KANSL2: variants seen among roughly 807,000 people sequenced by gnomAD.
The protein encoded by KANSL2 is KAT8 regulatory NSL complex subunit 2.
In KANSL2, 34 loss-of-function variants were observed where a neutral mutation model predicts 55.6. That is an observed-to-expected ratio of 0.61 (90% CI 0.46 to 0.81). KANSL2 has a LOEUF of 0.81. KANSL2 is among the 40% of genes least tolerant of loss of function. The probability of loss-of-function intolerance (pLI) is 0.00; values close to 1 mark genes in which losing one functional copy is unlikely to be tolerated. For missense variants in KANSL2, 502 were observed against 609.9 expected, an observed-to-expected ratio of 0.82 and a Z score of 1.86; for synonymous variants, 209 against 214.3, an observed-to-expected ratio of 0.98 and a Z score of 0.22.
intron 5 of KANSL2, among the ~76,000 whole-genome samples, chr12:48,669,493 A>G (rs768372527): frequency 6.6e-6 from 1 of 152,084 alleles, no homozygotes; most frequent in Admixed American, 6.6e-5. Context: ...TGGTGGTCCC[A>G]TAAGATTATA....
At chr12:48,674,055 T>C (rs912495575) in intron 4 of KANSL2, among the ~76,000 whole-genome samples, 2 of 152,196 alleles carry the variant, frequency 1.3e-5, no homozygotes, top group Admixed American at 1.3e-4. Context: ...ACAAGCTATA[T>C]ACCTTAAGTT....
intron 4 of KANSL2, among the ~76,000 whole-genome samples, chr12:48,674,936 A>T (rs1939792957): frequency 6.6e-6 from 1 of 150,920 alleles, no homozygotes. Flanking sequence ...CAAAAATAAA[A>T]AATTAAATAA....
intron 9 of KANSL2, 66 bp downstream of exon 9, chr12:48,654,875 G>A: frequency 1.3e-6 from 2 of 1,522,502 alleles, no homozygotes; most frequent in East Asian, 2.5e-5. Context: ...ATGCTATCTA[G>A]CAGGGAACCC....
At chr12:48,656,430 C>G (rs761111817) in intron 8 of KANSL2, among the ~76,000 whole-genome samples, 3 of 151,742 alleles carry the variant, frequency 2.0e-5, no homozygotes, top group African/African-American at 7.3e-5. Flanking sequence ...TGTGCCACCA[C>G]GCCCAGCTAA....
intron 4 of KANSL2, among the ~76,000 whole-genome samples, chr12:48,674,163 CAG>C (rs1939779344): frequency 1.3e-5 from 2 of 152,244 alleles, no homozygotes; most frequent in South Asian, 4.1e-4. Flanking sequence ...GTTTTTAAGA[CAG>C]AGTCTTGCTC....
At chr12:48,679,200 T>C in intron 3 of KANSL2, 50 bp from the exon 4 acceptor site, 2 of 1,184,580 alleles carry the variant, frequency 1.7e-6, no homozygotes, top group Non-Finnish European at 2.5e-6. Context: ...CCTCTGTAAC[T>C]CCACCACACA....
At chr12:48,662,699 G>A in intron 7 of KANSL2, 1 of 1,251,416 alleles carries the variant, frequency 8.0e-7, no homozygotes, top group Non-Finnish European at 1.0e-6. Flanking sequence ...AGGCAACTAT[G>A]GAGTGGAAAG....
In KANSL2 at chr12:48,681,584, T is replaced by A. The variant is rs780801002; in HGVS notation, c.49A>T (p.Thr17Ser). ...HVLPTNRGRI[T>S]PVPRSQEPLS... ...GGTTCCTGAGACCTGGGCACTGGAG[T>A]GATCCTCCCCCGATTGGTTGGCAAG... Residue 17 changes from threonine (T) to serine (S), a missense_variant, in exon 2 of 10, where the codon ACT becomes TCT. Transcript: ENST00000420613. 6.2e-7 allele frequency: 1 copy of A among 1,613,764 alleles called. No individual in the cohort carries two copies. The highest frequency in any genetic ancestry group is 1.1e-5 in the South Asian group (1 of 91,074).
intron 8 of KANSL2, among the ~76,000 whole-genome samples, chr12:48,655,791 TG>T (rs1282155950): frequency 6.6e-6 from 1 of 152,064 alleles, no homozygotes; most frequent in Admixed American, 6.6e-5. Flanking sequence ...CCAGGTGCAG[TG>T]GCTCATGCCT....
chr12:48,658,632 C>G (rs1042361988), intron 8 of KANSL2: 1 of 152,096 alleles, frequency 6.6e-6, no homozygotes, highest in African/African-American at 2.4e-5. Flanking sequence ...TGGCACACAC[C>G]TGTAATCCCA....
chr12:48,669,873 G>A (rs145671174), intron 5 of KANSL2, among the ~76,000 whole-genome samples: 2 of 152,120 alleles, frequency 1.3e-5, no homozygotes, highest in East Asian at 3.9e-4. Flanking sequence ...TGGTGATGCT[G>A]GTGACCAAAC....
intron 7 of KANSL2, chr12:48,662,474 T>TA: frequency 1.8e-6 from 2 of 1,133,602 alleles, no homozygotes; most frequent in South Asian, 1.8e-5. Context: ...CACAATATCC[T>TA]AAAAAAGGAC....
chr12:48,681,200 C>A (rs60434400), intron 2 of KANSL2, 182 bp downstream of exon 2: 1 of 510,094 alleles, frequency 2.0e-6, no homozygotes. Flanking sequence ...AAGAGGTGAA[C>A]TAAGTAATCC....
chr12:48,654,001 C>A lies in KANSL2; in HGVS notation c.*43G>T, dbSNP rs367863971. On this transcript the variant is annotated 3_prime_UTR_variant, in exon 10 of 10. Transcript: ENST00000420613. ...TGATCAGAAATACTTCTTTGAAGAA[C>A]GAGAAATTTAAATCCACCAAAGTAA... 1.3e-6 allele frequency: 2 copies of A among 1,528,098 alleles called. No individual in the cohort carries two copies. Among genetic ancestry groups the A allele is most frequent in the Admixed American group, 2.2e-5 (1 of 44,944 alleles). 94.7% of individuals were successfully genotyped at this position (1,528,098 alleles called of 1,614,324 possible).
At chr12:48,676,450 G>C (rs1414382518) in intron 4 of KANSL2, among the ~76,000 whole-genome samples, 1 of 152,026 alleles carries the variant, frequency 6.6e-6, no homozygotes, top group African/African-American at 2.4e-5. Context: ...CCTCAGATCA[G>C]GAGTTCAAGA....
In KANSL2 at chr12:48,663,913, C is replaced by CTTTTT. The variant is rs34879709; in HGVS notation, c.974-3299_974-3295dup. On this transcript the variant is annotated intron_variant, in intron 7 of 9. Transcript: ENST00000420613. ...AAGATACACACTTTTAACTATTAGC[C>CTTTTT]TTTTTTTTTTTTTTTTTTTTTTGAG... Among the ~76,000 whole-genome samples, 24 of 112,564 alleles carry CTTTTT rather than the reference C, an allele frequency of 2.1e-4. 1 individual carries two copies. Among genetic ancestry groups the CTTTTT allele is most frequent in the African/African-American group, 6.6e-4 (21 of 31,812 alleles). The allele number at this position is 112,564 out of a possible 152,430, so 73.8% of individuals were successfully genotyped here.
At chr12:48,680,977 C>A (rs537550578) in intron 2 of KANSL2, among the ~76,000 whole-genome samples, 3 of 151,628 alleles carry the variant, frequency 2.0e-5, no homozygotes, top group African/African-American at 7.3e-5. Flanking sequence ...GCGCCGCCCC[C>A]CCGCCAAAAA....
chr12:48,662,509 T>C, intron 7 of KANSL2: 1 of 1,198,674 alleles, frequency 8.3e-7, no homozygotes, highest in Non-Finnish European at 1.1e-6. Flanking sequence ...TCCACCCGCT[T>C]TCCTTTCAGA....
At chr12:48,665,372 G>A (rs1457908777) in intron 7 of KANSL2, among the ~76,000 whole-genome samples, 1 of 152,054 alleles carries the variant, frequency 6.6e-6, no homozygotes. Context: ...AGACCATCCT[G>A]GCTAACACGG....
Sources: allele counts gnomAD v4.1 joint callset (sites outside exome capture counted in the v4.1 genomes callset), GRCh38; gene constraint gnomAD v4.1.1; transcripts MANE v1.5; gene names NCBI Gene and HGNC (gene_info 2026-07-23, HGNC 2026-07-21).